ACYP2: variants seen among roughly 807,000 people sequenced by gnomAD.
ACYP2 encodes the protein acylphosphatase-2.
ACYP2 carries 12 observed loss-of-function variants against 11.2 expected under a neutral mutation model. The observed-to-expected ratio is 1.08, with a 90% CI of 0.69 to 1.74. The LOEUF (loss-of-function observed/expected upper bound fraction) is 1.74, where lower values mean the gene tolerates loss of function less well. Among genes scored for constraint, ACYP2 ranks in the 40% most tolerant of loss-of-function variants. The pLI, the probability that ACYP2 is intolerant of heterozygous loss-of-function variation, is 0.00. For missense variants in ACYP2, 134 were observed against 101.9 expected, an observed-to-expected ratio of 1.31 and a Z score of -1.35; for synonymous variants, 43 against 32.2, an observed-to-expected ratio of 1.33 and a Z score of -1.13.
intron 6 of ACYP2, among the ~76,000 whole-genome samples, chr2:54,160,429 G>A (rs898622247): frequency 6.6e-6 from 1 of 152,152 alleles, no homozygotes; most frequent in East Asian, 1.9e-4. Context: ...GGGGGGAGAG[G>A]TATTAAGACT....
intron 6 of ACYP2, among the ~76,000 whole-genome samples, chr2:54,299,421 A>G (rs1453353030): frequency 2.6e-5 from 4 of 151,364 alleles, no homozygotes; most frequent in Non-Finnish European, 2.9e-5. Flanking sequence ...GTGAAACCCT[A>G]TCTCTACTAA....
intron 6 of ACYP2, among the ~76,000 whole-genome samples, chr2:54,146,347 A>G (rs1163501294): frequency 6.6e-6 from 1 of 152,064 alleles, no homozygotes; most frequent in Non-Finnish European, 1.5e-5. Flanking sequence ...CTGTAAATGC[A>G]CTTGGAGGAG....
chr2:54,224,177 G>A (rs558229608), intron 6 of ACYP2, among the ~76,000 whole-genome samples: 1 of 152,300 alleles, frequency 6.6e-6, no homozygotes, highest in South Asian at 2.1e-4. Flanking sequence ...CAAGTCCCCA[G>A]CCAGCAATGC....
intron 6 of ACYP2, among the ~76,000 whole-genome samples, chr2:54,215,390 T>C (rs757547213): frequency 3.3e-5 from 5 of 152,204 alleles, no homozygotes; most frequent in Non-Finnish European, 7.3e-5. Flanking sequence ...GGGTTTGTTA[T>C]AGATGGCTCT....
chr2:53,995,909 G>C (rs1672551307), intron 2 of ACYP2, among the ~76,000 whole-genome samples: 1 of 152,048 alleles, frequency 6.6e-6, no homozygotes, highest in South Asian at 2.1e-4. Context: ...GAGGCGGGCG[G>C]ATCACCTGAA....
At chr2:54,038,687 A>ACTC (rs1178525327) in intron 2 of ACYP2, among the ~76,000 whole-genome samples, 1 of 42,612 alleles carries the variant, frequency 2.3e-5, no homozygotes, top group African/African-American at 7.2e-5. Context: ...ATATATATAT[A>ACTC]TATATATATA....
At chr2:54,118,205 A>G (rs1679929647) in intron 4 of ACYP2, among the ~76,000 whole-genome samples, 1 of 152,200 alleles carries the variant, frequency 6.6e-6, no homozygotes, top group South Asian at 2.1e-4. Flanking sequence ...ACTCTTTAGA[A>G]AGTCTTTGAG....
chr2:54,151,959 G>A (rs1682194574), intron 6 of ACYP2, among the ~76,000 whole-genome samples: 1 of 151,994 alleles, frequency 6.6e-6, no homozygotes, highest in Admixed American at 6.5e-5. Flanking sequence ...GGAAACTACA[G>A]AGAGTTTCCA....
At chr2:54,071,998 G>A (rs959982090) in intron 4 of ACYP2, among the ~76,000 whole-genome samples, 9 of 152,006 alleles carry the variant, frequency 5.9e-5, no homozygotes, top group South Asian at 2.1e-4. Context: ...GAGACAGAGC[G>A]AGACTCTGTC....
chr2:53,981,408 G>A (rs1375426795), intron 2 of ACYP2, among the ~76,000 whole-genome samples: 1 of 152,138 alleles, frequency 6.6e-6, no homozygotes. Flanking sequence ...TGTCCACTTG[G>A]TGTACCCCCT....
At chr2:53,978,643 T>G (rs1047837011) in intron 2 of ACYP2, among the ~76,000 whole-genome samples, 1 of 152,214 alleles carries the variant, frequency 6.6e-6, no homozygotes, top group Admixed American at 6.5e-5. Context: ...TCCAGCACTT[T>G]GAGAGACCGA....
At chr2:54,058,498 T>G (rs1676281673) in intron 4 of ACYP2, among the ~76,000 whole-genome samples, 3 of 152,148 alleles carry the variant, frequency 2.0e-5, no homozygotes, top group Admixed American at 2.0e-4. Context: ...TCTAATATAA[T>G]TCTAACTTCA....
intron 6 of ACYP2, among the ~76,000 whole-genome samples, chr2:54,245,893 C>A (rs1045521669): frequency 6.6e-6 from 1 of 151,966 alleles, no homozygotes; most frequent in African/African-American, 2.4e-5. Context: ...GCTTTTGTTG[C>A]CTGTGCTTTT....
chr2:54,269,234 C>T (rs1688173141), intron 6 of ACYP2, among the ~76,000 whole-genome samples: 1 of 152,166 alleles, frequency 6.6e-6, no homozygotes, highest in Non-Finnish European at 1.5e-5. Context: ...AGGCATGAGC[C>T]ACTGTGCCCA....
At chr2:54,199,170 T>C (rs1358113252) in intron 6 of ACYP2, among the ~76,000 whole-genome samples, 1 of 152,220 alleles carries the variant, frequency 6.6e-6, no homozygotes, top group African/African-American at 2.4e-5. Flanking sequence ...GAACGGTCCT[T>C]GCTCGCTGAG....
At chr2:54,219,905 A>ATATAT (rs1288814375) in intron 6 of ACYP2, among the ~76,000 whole-genome samples, 1 of 75,992 alleles carries the variant, frequency 1.3e-5, no homozygotes, top group South Asian at 6.1e-4. Flanking sequence ...ATATATATAT[A>ATATAT]TTTTTTTTTT....
rs1356188150 is a variant in ACYP2 at position 54,252,557 on chromosome 2, CTTTGT to C, written c.405-52122_405-52118del. 3.9e-5 allele frequency among the ~76,000 whole-genome samples: 6 copies of C among 152,112 alleles called. No individual in the cohort carries two copies. In the East Asian group the frequency reaches 1.2e-3, roughly 29 times the overall value. Reference sequence around the variant, plus strand: ...TTCAACCTTTGTTATTTTCCATCATCTTTGTTTTGTTTTTTTTCAGTGACATGCTT... The same window carrying C: ...TTCAACCTTTGTTATTTTCCATCATCTTTGTTTTTTTTCAGTGACATGCTT... On this transcript the variant is annotated intron_variant, in intron 6 of 6. Coordinates refer to ENST00000607452, the MANE Select transcript of ACYP2 (RefSeq NM_001320586.2).
intron 6 of ACYP2, among the ~76,000 whole-genome samples, chr2:54,285,003 G>A (rs1429583608): frequency 6.6e-6 from 1 of 152,146 alleles, no homozygotes; most frequent in Non-Finnish European, 1.5e-5. Flanking sequence ...TAAATTTACT[G>A]CTCACAGGTC....
intron 2 of ACYP2, among the ~76,000 whole-genome samples, chr2:53,983,347 T>TA (rs948752060): frequency 6.6e-6 from 1 of 151,864 alleles, no homozygotes; most frequent in African/African-American, 2.4e-5. Context: ...CTCTACAAAA[T>TA]ATACAAAAAT....
Sources: gnomAD v4.1 joint callset for allele counts (sites outside exome capture counted in the v4.1 genomes callset) on GRCh38, gnomAD v4.1.1 for gene constraint, MANE v1.5 for transcripts, NCBI Gene and HGNC (gene_info 2026-07-23, HGNC 2026-07-21) for gene names.